Variants in CDK14 observed in about 807,000 individuals in gnomAD.
The protein encoded by CDK14 is cyclin dependent kinase 14, also known as cyclin-dependent kinase 14.
In CDK14, 34 loss-of-function variants were observed where a neutral mutation model predicts 60.7. The ratio of observed to expected loss-of-function variants is 0.56; its 90% CI spans 0.43 to 0.75. The LOEUF (loss-of-function observed/expected upper bound fraction) is 0.75. Among genes scored for constraint, CDK14 ranks in the 30% least tolerant of loss-of-function variants. CDK14 has a pLI of 0.00. For missense variants in CDK14, 482 were observed against 564.1 expected, an observed-to-expected ratio of 0.85 and a Z score of 1.47; for synonymous variants, 197 against 203.7, an observed-to-expected ratio of 0.97 and a Z score of 0.28.
intron 5 of CDK14, among the ~76,000 whole-genome samples, chr7:90,793,779 GT>G (rs1670810345): frequency 6.6e-6 from 1 of 152,142 alleles, no homozygotes; most frequent in Admixed American, 6.6e-5. Flanking sequence ...GGTAAATAAA[GT>G]TTTATTTGAA....
chr7:90,660,498 A>G (rs1375668151), intron 2 of CDK14, among the ~76,000 whole-genome samples: 1 of 152,228 alleles, frequency 6.6e-6, no homozygotes, highest in East Asian at 1.9e-4. Flanking sequence ...TACCTGATAA[A>G]TGTAACATTA....
rs181101785 is a variant in CDK14, at chr7:90,658,205, A to G, written c.123+53956A>G. Among the ~76,000 whole-genome samples the G allele has an allele frequency of 6.6e-5, 10 of 152,240 alleles. No individual in the cohort carries two copies. In the East Asian group the frequency reaches 1.7e-3, roughly 26 times the overall value. Reference sequence around the variant, plus strand: ...ATGGAATCACGCACCATCTTAGTCTATTTGGGCTAGTGTAACAAAATATCT... The same window carrying G: ...ATGGAATCACGCACCATCTTAGTCTGTTTGGGCTAGTGTAACAAAATATCT... On this transcript the variant is annotated intron_variant, in intron 2 of 14. Coordinates refer to ENST00000380050, the MANE Select transcript of CDK14 (RefSeq NM_001287135.2).
intron 14 of CDK14, among the ~76,000 whole-genome samples, chr7:91,192,639 CA>C (rs1802401522): frequency 6.6e-6 from 1 of 152,158 alleles, no homozygotes; most frequent in African/African-American, 2.4e-5. Flanking sequence ...GAGAAGCTCT[CA>C]CAATAATTTT....
chr7:90,966,641 T>C (rs554185698), intron 9 of CDK14, among the ~76,000 whole-genome samples: 13 of 152,142 alleles, frequency 8.5e-5, no homozygotes, highest in Non-Finnish European at 1.9e-4. Context: ...TGAGGCCTCC[T>C]GGGTTTAATG....
At chr7:90,735,224 T>C (rs1269881075) in intron 3 of CDK14, among the ~76,000 whole-genome samples, 1 of 152,096 alleles carries the variant, frequency 6.6e-6, no homozygotes, top group African/African-American at 2.4e-5. Flanking sequence ...CAGCCAGAAT[T>C]ATCCTGTATG....
intron 8 of CDK14, among the ~76,000 whole-genome samples, chr7:90,937,984 C>T (rs561838424): frequency 6.6e-5 from 10 of 152,244 alleles, no homozygotes; most frequent in African/African-American, 1.4e-4. Flanking sequence ...ACCTACAAAG[C>T]GTAGCTAGAG....
At chr7:90,707,032 C>G (rs1801912940) in intron 2 of CDK14, among the ~76,000 whole-genome samples, 1 of 152,096 alleles carries the variant, frequency 6.6e-6, no homozygotes, top group Non-Finnish European at 1.5e-5. Context: ...ATTGTAAGAT[C>G]TGGGCCCAGC....
chr7:90,807,458 C>A (rs1680793736), intron 5 of CDK14, among the ~76,000 whole-genome samples: 1 of 152,114 alleles, frequency 6.6e-6, no homozygotes, highest in Non-Finnish European at 1.5e-5. Context: ...CACCAAAAAC[C>A]CATCTGTACG....
intron 10 of CDK14, among the ~76,000 whole-genome samples, chr7:90,987,052 G>A (rs186632411): frequency 6.6e-6 from 1 of 152,050 alleles, no homozygotes; most frequent in African/African-American, 2.4e-5. Flanking sequence ...GAACAAAAAG[G>A]TGAGTTTTAT....
At chr7:90,845,451 TAA>T (rs1790435608) in intron 5 of CDK14, among the ~76,000 whole-genome samples, 1 of 152,184 alleles carries the variant, frequency 6.6e-6, no homozygotes, top group Admixed American at 6.5e-5. Flanking sequence ...GAAAATTGAT[TAA>T]GTCCCTTATT....
chr7:90,753,403 C>T lies in CDK14; in HGVS notation c.464+5628C>T, dbSNP rs530964213. Among the ~76,000 whole-genome samples, 132 of 152,144 alleles carry T rather than the reference C, an allele frequency of 8.7e-4. 1 individual carries two copies. Among genetic ancestry groups the T allele is most frequent in the African/African-American group, 3.1e-3 (129 of 41,524 alleles). On this transcript the variant is annotated intron_variant, in intron 4 of 14. Coordinates refer to ENST00000380050, the MANE Select transcript of CDK14 (RefSeq NM_001287135.2). ...ACAAAAACCATTTGATCATCTCAGT[C>T]GATTTGCAAAAAGGCTTTGATAAAA...
chr7:91,099,917 T>C (rs1799105121), intron 12 of CDK14, among the ~76,000 whole-genome samples: 1 of 152,154 alleles, frequency 6.6e-6, no homozygotes, highest in African/African-American at 2.4e-5. Context: ...TTAAGTATTC[T>C]GCAAACCTTA....
At chr7:90,946,410 C>A (rs1794101157) in intron 8 of CDK14, among the ~76,000 whole-genome samples, 2 of 152,040 alleles carry the variant, frequency 1.3e-5, no homozygotes, top group Admixed American at 6.6e-5. Flanking sequence ...TTTTAATAGG[C>A]CTCTCCTCAA....
intron 14 of CDK14, among the ~76,000 whole-genome samples, chr7:91,118,870 CATA>C (rs1799693876): frequency 6.6e-6 from 1 of 152,106 alleles, no homozygotes; most frequent in African/African-American, 2.4e-5. Flanking sequence ...AGATAGGAAG[CATA>C]ATCTAAACTT....
chr7:91,120,929 T>G (rs1237684897), intron 14 of CDK14, among the ~76,000 whole-genome samples: 1 of 152,192 alleles, frequency 6.6e-6, no homozygotes, highest in Admixed American at 6.5e-5. Context: ...CAACCCAATT[T>G]CTCAGAAAAG....
At chr7:90,777,948 C>T (rs959068914) in intron 4 of CDK14, among the ~76,000 whole-genome samples, 2 of 152,202 alleles carry the variant, frequency 1.3e-5, no homozygotes, top group Non-Finnish European at 2.9e-5. Context: ...ATCCTTTAGG[C>T]TCTTTCCATG....
At chr7:91,163,617 A>G (rs537181784) in intron 14 of CDK14, among the ~76,000 whole-genome samples, 2 of 152,242 alleles carry the variant, frequency 1.3e-5, no homozygotes, top group African/African-American at 4.8e-5. Flanking sequence ...TTGCATTGGA[A>G]ATTTGAAATT....
chr7:90,632,775 T>C (rs1046354463), intron 2 of CDK14, among the ~76,000 whole-genome samples: 3 of 152,206 alleles, frequency 2.0e-5, no homozygotes, highest in African/African-American at 7.2e-5. Context: ...AAATATGTTG[T>C]CACTAGAAAC....
At chr7:90,717,106 G>A (rs73220700) in intron 2 of CDK14, among the ~76,000 whole-genome samples, 24,220 of 151,944 alleles carry the variant, frequency 0.16, 2,052 homozygotes, top group Middle Eastern at 0.26. Context: ...TTCTACCCTT[G>A]CTATGAGTGC....
Sources: gnomAD v4.1 joint callset for allele counts (sites outside exome capture counted in the v4.1 genomes callset) on GRCh38, gnomAD v4.1.1 for gene constraint, MANE v1.5 for transcripts, NCBI Gene and HGNC (gene_info 2026-07-23, HGNC 2026-07-21) for gene names.